Variants in SYN2 observed in about 807,000 individuals in gnomAD.
The protein encoded by SYN2 is synapsin-2.
A neutral mutation model predicts 50.9 loss-of-function variants in SYN2; 19 were observed. The observed-to-expected ratio is 0.37, with a 90% CI of 0.26 to 0.55. SYN2 has a LOEUF of 0.55. Among genes scored for constraint, SYN2 ranks in the 20% least tolerant of loss-of-function variants. The pLI is 0.81. For missense variants in SYN2, 587 were observed against 576.4 expected, an observed-to-expected ratio of 1.02 and a Z score of -0.19; for synonymous variants, 255 against 224.9, an observed-to-expected ratio of 1.13 and a Z score of -1.20.
At chr3:12,162,642 A>G (rs1010086050) in intron 7 of SYN2, among the ~76,000 whole-genome samples, 1 of 152,202 alleles carries the variant, frequency 6.6e-6, no homozygotes, top group Non-Finnish European at 1.5e-5. Flanking sequence ...ACTCTATCTT[A>G]TACAGTTACA....
intron 1 of SYN2, among the ~76,000 whole-genome samples, chr3:12,025,040 C>T (rs1019359178): frequency 3.3e-5 from 5 of 152,154 alleles, no homozygotes; most frequent in Admixed American, 2.0e-4. Context: ...AGGGTGCCAG[C>T]GTGATTGGGT....
At chr3:12,190,457 C>G (rs1698424167) in intron 12 of SYN2, 33 bp from the exon 13 acceptor site, 1 of 1,612,440 alleles carries the variant, frequency 6.2e-7, no homozygotes, top group African/African-American at 1.3e-5. Flanking sequence ...GGAACACCAC[C>G]CTCTCACATT....
intron 4 of SYN2, among the ~76,000 whole-genome samples, chr3:12,147,294 T>A (rs1282779386): frequency 6.6e-6 from 1 of 152,164 alleles, no homozygotes; most frequent in Non-Finnish European, 1.5e-5. Flanking sequence ...ACAGCTTTCT[T>A]TTTCCTTTTG....
intron 1 of SYN2, among the ~76,000 whole-genome samples, chr3:12,119,952 G>A (rs1294391353): frequency 6.6e-6 from 1 of 152,118 alleles, no homozygotes; most frequent in Non-Finnish European, 1.5e-5. Context: ...AAGCTAGAAA[G>A]TGTCTTAGAG....
intron 1 of SYN2, among the ~76,000 whole-genome samples, chr3:12,049,508 G>A (rs1343799564): frequency 1.5e-5 from 2 of 134,736 alleles, no homozygotes. Context: ...GACAGAGTGA[G>A]ACTCCGTCTC....
chr3:12,127,266 A>G (rs1466482520), intron 1 of SYN2, among the ~76,000 whole-genome samples: 4 of 152,202 alleles, frequency 2.6e-5, no homozygotes, highest in African/African-American at 9.7e-5. Context: ...ATTCACTGAG[A>G]AAAGAGCAAG....
At chr3:12,134,775 T>A (rs1202317624) in intron 1 of SYN2, among the ~76,000 whole-genome samples, 1 of 151,896 alleles carries the variant, frequency 6.6e-6, no homozygotes, top group Non-Finnish European at 1.5e-5. Context: ...TGTGCTTAAA[T>A]TTTTTTTTAA....
At chr3:12,137,962 A>C (rs1036984497) in intron 1 of SYN2, among the ~76,000 whole-genome samples, 8 of 152,212 alleles carry the variant, frequency 5.3e-5, no homozygotes, top group Non-Finnish European at 1.2e-4. Flanking sequence ...AAGCCTCCCT[A>C]AGGTCATACA....
At chr3:12,054,063 A>T (rs1694935471) in intron 1 of SYN2, among the ~76,000 whole-genome samples, 1 of 152,130 alleles carries the variant, frequency 6.6e-6, no homozygotes, top group Non-Finnish European at 1.5e-5. Flanking sequence ...ATGCAAGGTA[A>T]TGCCTTATCA....
intron 1 of SYN2, among the ~76,000 whole-genome samples, chr3:12,053,307 G>T (rs1405505019): frequency 3.9e-5 from 6 of 152,120 alleles, no homozygotes; most frequent in Non-Finnish European, 7.4e-5. Context: ...TGTAGTCCCA[G>T]CTACTCAGGA....
chr3:12,055,864 T>C (rs974529369), intron 1 of SYN2, among the ~76,000 whole-genome samples: 3 of 152,214 alleles, frequency 2.0e-5, no homozygotes, highest in Non-Finnish European at 4.4e-5. Flanking sequence ...TTAATGCATC[T>C]AGGTATTGAA....
At chr3:12,148,506 TTTGA>T (rs1697205198) in intron 4 of SYN2, 2 of 152,246 alleles carry the variant, frequency 1.3e-5, no homozygotes, top group Non-Finnish European at 2.9e-5. Flanking sequence ...GAGGAGATAC[TTTGA>T]TTGGGTTGGA....
At chr3:12,072,480 A>G (rs1695378177) in intron 1 of SYN2, among the ~76,000 whole-genome samples, 1 of 152,170 alleles carries the variant, frequency 6.6e-6, no homozygotes, top group South Asian at 2.1e-4. Flanking sequence ...CCCTTCATCC[A>G]TTCTGAGTTA....
At chr3:12,061,668 G>A (rs1205416878) in intron 1 of SYN2, among the ~76,000 whole-genome samples, 1 of 151,794 alleles carries the variant, frequency 6.6e-6, no homozygotes, top group African/African-American at 2.4e-5. Context: ...TAAACCTCCT[G>A]GAACATAAAC....
intron 1 of SYN2, among the ~76,000 whole-genome samples, chr3:12,080,672 T>C (rs1041944006): frequency 6.6e-6 from 1 of 152,218 alleles, no homozygotes; most frequent in African/African-American, 2.4e-5. Flanking sequence ...GAGAGACTTT[T>C]TGTTATGATT....
At chr3:12,157,830 G>A (rs779151927) in intron 5 of SYN2, among the ~76,000 whole-genome samples, 38 of 151,978 alleles carry the variant, frequency 2.5e-4, no homozygotes, top group Admixed American at 2.2e-3. Context: ...CAGGGCAGTC[G>A]GTGTGAAGTT....
At chr3:12,021,264 C>T (rs1395118001) in intron 1 of SYN2, among the ~76,000 whole-genome samples, 1 of 152,126 alleles carries the variant, frequency 6.6e-6, no homozygotes, top group African/African-American at 2.4e-5. Context: ...ATATCTGTAA[C>T]TCTTGGTAAT....
At chr3:12,181,700 A>G (rs907889181) in intron 10 of SYN2, among the ~76,000 whole-genome samples, 1 of 152,246 alleles carries the variant, frequency 6.6e-6, no homozygotes. Flanking sequence ...AGGTAGCCCC[A>G]GAGAAGATAG....
At chr3:12,005,171 G>A (rs1347580716) in intron 1 of SYN2, among the ~76,000 whole-genome samples, 3 of 152,138 alleles carry the variant, frequency 2.0e-5, no homozygotes, top group African/African-American at 7.2e-5. Flanking sequence ...GGTCCCCCAG[G>A]TCCCATACAA....
Sources: allele counts gnomAD v4.1 joint callset (sites outside exome capture counted in the v4.1 genomes callset), GRCh38; gene constraint gnomAD v4.1.1; transcripts MANE v1.5; gene names NCBI Gene and HGNC (gene_info 2026-07-23, HGNC 2026-07-21).